Variants in CCNK observed in about 807,000 individuals in gnomAD.
CCNK encodes the protein cyclin-K.
In CCNK, 9 loss-of-function variants were observed where a neutral mutation model predicts 65.0. The observed-to-expected ratio is 0.14, with a 90% confidence interval of 0.08 to 0.24. The LOEUF (loss-of-function observed/expected upper bound fraction) is 0.24. CCNK is among the 10% of genes least tolerant of loss of function. The probability of loss-of-function intolerance (pLI) is 1.00; values close to 1 mark genes in which losing one functional copy is unlikely to be tolerated. For synonymous variants in CCNK, 279 were observed against 270.8 expected (o/e 1.03, Z -0.30); for missense variants, 474 against 720.0 (o/e 0.66, Z 3.91).
At chr14:99,501,244 T>C in intron 5 of CCNK, 112 bp from the exon 6 acceptor site, 1 of 729,350 alleles carries the variant, frequency 1.4e-6, no homozygotes. Context: ...GCAAAAGCTC[T>C]TTGCTGTGTA....
rs150560632 is a variant in CCNK at position 99,491,372 on chromosome 14, G to A, written c.-52-1254G>A. ...CCACCAGAAGCTTATAAGATCACCT[G>A]CTTCTCTATAGCTTTGCCAACAGAG... On this transcript the variant is annotated intron_variant, in intron 1 of 10. Coordinates refer to ENST00000389879, the MANE Select transcript of CCNK (RefSeq NM_001099402.2). Among the ~76,000 whole-genome samples, 717 of 152,268 alleles carry A rather than the reference G, an allele frequency of 4.7e-3. 6 individuals carry two copies. Among genetic ancestry groups the A allele is most frequent in the Non-Finnish European group, 6.9e-3 (470 of 68,022 alleles).
chr14:99,507,181 G>T, intron 10 of CCNK, 34 bp downstream of exon 10: 1 of 1,290,722 alleles, frequency 7.7e-7, no homozygotes. Context: ...GGCCAGCTGT[G>T]CACATCGCCT....
intron 8 of CCNK, 146 bp downstream of exon 8, chr14:99,503,130 G>T: frequency 1.1e-6 from 1 of 941,998 alleles, no homozygotes; most frequent in Non-Finnish European, 1.7e-6. Flanking sequence ...GCTTGTCGGT[G>T]GGGAGCCTGA....
In CCNK at chr14:99,504,008, G is replaced by GGGGGGCAGTA. The variant is rs200300885; in HGVS notation, c.1045+370_1045+379dup. ...CAAGCACCAAGCCACAGCAGATGCG[G>GGGGGGCAGTA]GGGGGCAGTAGGGGGTGGTGTGCTG... On this transcript the variant is annotated intron_variant, in intron 9 of 10. Transcript: ENST00000389879. 3.0e-3 allele frequency: 1,080 copies of GGGGGGCAGTA among 360,204 alleles called. 17 individuals carry two copies. Among genetic ancestry groups the GGGGGGCAGTA allele is most frequent in the African/African-American group, 0.022 (995 of 46,214 alleles). 22.3% of individuals were successfully genotyped at this position (360,204 alleles called of 1,614,324 possible).
intron 10 of CCNK, 194 bp from the exon 11 acceptor site, chr14:99,509,963 G>A: frequency 1.6e-6 from 1 of 617,720 alleles, no homozygotes; most frequent in Non-Finnish European, 2.8e-6. Flanking sequence ...ACAGGGTGGA[G>A]GGCCTTCTTG....
chr14:99,481,713 G>C, intron 1 of CCNK: 2 of 382,062 alleles, frequency 5.2e-6, no homozygotes, highest in Non-Finnish European at 9.3e-6. Flanking sequence ...ACTCACCCTA[G>C]AACTGGTAGC....
At chr14:99,492,588 A>C (rs941191029) in intron 1 of CCNK, 38 bp from the exon 2 acceptor site, 6 of 1,036,636 alleles carry the variant, frequency 5.8e-6, no homozygotes, top group Non-Finnish European at 8.5e-6. Flanking sequence ...TATAGTATGG[A>C]GTATTCCTTT....
intron 10 of CCNK, chr14:99,507,910 TGTAAA>T (rs1001850143): frequency 6.6e-6 from 1 of 152,258 alleles, no homozygotes; most frequent in Non-Finnish European, 1.5e-5. Flanking sequence ...GGAGAAAAGC[TGTAAA>T]GTAGATGGCA....
chr14:99,489,099 G>A (rs2139852962), intron 1 of CCNK, among the ~76,000 whole-genome samples: 1 of 151,802 alleles, frequency 6.6e-6, no homozygotes, highest in South Asian at 2.1e-4. Flanking sequence ...TTCCTTCTTG[G>A]TACTTGAAAA....
At position 99,503,612 on chromosome 14, in the gene CCNK, T is replaced by A. The variant is rs767434647; in HGVS notation, c.1013T>A (p.Val338Asp). ...ATTGTGTATTTTCTTTTGTAACAGG[T>A]TGTTTCTCCCAAAGAAGAGAACAAA... The part of the protein sequence containing the change: ...SSPRQVKRAV[V>D]VSPKEENKAA... The change falls in exon 9 of 11, where the codon GTT (valine) becomes GAT (aspartate). Residue 338 changes from valine to aspartate, a missense_variant and splice_region_variant. By Grantham distance (152) the Val-to-Asp change is radical (BLOSUM62 -3). This residue lies in a region of CCNK where 229 missense variants were observed against 275.5 expected (regional missense o/e 0.83). Transcript: ENST00000389879. 1.9e-6 allele frequency: 3 copies of A among 1,559,198 alleles called. 1 individual carries two copies. Among genetic ancestry groups the A allele is most frequent in the Non-Finnish European group, 2.6e-6 (3 of 1,149,544 alleles).
chr14:99,491,262 G>T (rs1459542244), intron 1 of CCNK, among the ~76,000 whole-genome samples: 1 of 152,152 alleles, frequency 6.6e-6, no homozygotes, highest in African/African-American at 2.4e-5. Flanking sequence ...CCCAGCAGTG[G>T]GAATCCTGGG....
chr14:99,486,290 T>A (rs1896483670), intron 1 of CCNK, among the ~76,000 whole-genome samples: 1 of 152,236 alleles, frequency 6.6e-6, no homozygotes, highest in African/African-American at 2.4e-5. Context: ...TTGGTGATTC[T>A]TAGTCTGCAA....
chr14:99,502,140 C>G, intron 6 of CCNK, 67 bp from the exon 7 acceptor site: 1 of 1,476,460 alleles, frequency 6.8e-7, no homozygotes, highest in South Asian at 1.4e-5. Flanking sequence ...TATGGCATCT[C>G]CATGCACTGG....
At chr14:99,487,427 A>G (rs1272688281) in intron 1 of CCNK, among the ~76,000 whole-genome samples, 3 of 152,182 alleles carry the variant, frequency 2.0e-5, no homozygotes, top group East Asian at 3.9e-4. Context: ...GCAACCCCCC[A>G]GTTAGGAAAA....
chr14:99,509,078 C>T (rs180803374), intron 10 of CCNK: 3 of 152,350 alleles, frequency 2.0e-5, no homozygotes, highest in African/African-American at 7.2e-5. Context: ...TGCTCATGCT[C>T]GCTTTGGCAA....
At chr14:99,507,593 G>A (rs1490883078) in intron 10 of CCNK, 1 of 164,106 alleles carries the variant, frequency 6.1e-6, no homozygotes, top group African/African-American at 2.4e-5. Flanking sequence ...GGTATTTTGA[G>A]AATGTTGTAA....
chr14:99,510,496 C>CTG lies in CCNK; in HGVS notation c.1460_1461dup (p.Pro488CysfsTer93). Reference sequence around the variant, plus strand: ...TACCCGCCCAACCCGCCCCCGCCACCTGTGCCTCCTCCCCCAGCCTCCTTC... The same window carrying CTG: ...TACCCGCCCAACCCGCCCCCGCCACCTGTGTGCCTCCTCCCCCAGCCTCCTTC... On this transcript the variant is annotated frameshift_variant, in exon 11 of 11. Transcript: ENST00000389879. LOFTEE classifies it high-confidence loss of function. The CTG allele has an allele frequency of 8.6e-7, 1 of 1,164,182 alleles. No individual in the cohort carries two copies. The highest frequency in any genetic ancestry group is 1.2e-6 in the Non-Finnish European group (1 of 830,890). The allele number at this position is 1,164,182 out of a possible 1,614,324, so 72.1% of individuals were successfully genotyped here. A position where few individuals can be genotyped will look rare whatever the true frequency, so the allele number is the denominator to read the frequency against.
intron 1 of CCNK, among the ~76,000 whole-genome samples, chr14:99,487,902 A>G (rs1327494930): frequency 3.3e-5 from 5 of 152,218 alleles, no homozygotes; most frequent in Admixed American, 6.5e-5. Flanking sequence ...TTCCTTGGCT[A>G]TCGAGGGATT....
chr14:99,510,789 C>T lies in CCNK; in HGVS notation c.*7C>T. ...GGCAGCCTGGATGAGATAACGTGAG[C>T]CTTTTTTCCCTCTTTGTTTTTTTAA... On this transcript the variant is annotated 3_prime_UTR_variant, in exon 11 of 11. Transcript: ENST00000389879. The T allele has an allele frequency of 2.1e-6, 3 of 1,423,156 alleles. No homozygotes were observed. Among genetic ancestry groups the T allele is most frequent in the Non-Finnish European group, 2.8e-6 (3 of 1,088,690 alleles). 88.2% of individuals were successfully genotyped at this position (1,423,156 alleles called of 1,614,324 possible).
Sources: gnomAD v4.1 joint callset for allele counts (sites outside exome capture counted in the v4.1 genomes callset) on GRCh38, gnomAD v4.1.1 for gene constraint, gnomAD v4.1.1 regional missense constraint, MANE v1.5 for transcripts, NCBI Gene and HGNC (gene_info 2026-07-23, HGNC 2026-07-21) for gene names.